The following DLGAP4 variants were observed in gnomAD, a reference collection of about 807,000 sequenced individuals.
DLGAP4 encodes disks large-associated protein 4.
Under a neutral mutation model 86.9 loss-of-function variants are expected in DLGAP4, and 18 were observed. The ratio of observed to expected loss-of-function variants is 0.21; its 90% CI spans 0.14 to 0.31. The LOEUF (loss-of-function observed/expected upper bound fraction) is 0.31. Among genes scored for constraint, DLGAP4 ranks in the 10% least tolerant of loss-of-function variants. DLGAP4 has a pLI of 1.00. For synonymous variants in DLGAP4, 548 were observed against 574.3 expected (o/e 0.95, Z 0.65); for missense variants, 1,085 against 1,362.6 (o/e 0.80, Z 3.21).
At chr20:36,516,390 G>A (rs1190305289) in intron 10 of DLGAP4, among the ~76,000 whole-genome samples, 2 of 152,258 alleles carry the variant, frequency 1.3e-5, no homozygotes, top group East Asian at 3.9e-4. Flanking sequence ...GTACTGGCTG[G>A]GCACGGTGGC....
At chr20:36,408,601 A>T (rs969650763) in intron 2 of DLGAP4, among the ~76,000 whole-genome samples, 1 of 152,158 alleles carries the variant, frequency 6.6e-6, no homozygotes, top group Non-Finnish European at 1.5e-5. Flanking sequence ...TGCTGGGGGA[A>T]CCCTCAGAGT....
Position 36,418,464 on chromosome 20 carries a change from T to C in DLGAP4, c.-72-13182T>C, listed in dbSNP as rs562498555. Among the ~76,000 whole-genome samples the C allele has an allele frequency of 8.5e-5, 13 of 152,330 alleles. No homozygotes were observed. The South Asian group carries it at 2.7e-3, about 32-fold the overall frequency. On this transcript the variant is annotated intron_variant, in intron 2 of 12. Transcript: ENST00000339266. ...TGGTTCCATCTCTGTAGTCCCTTTG[T>C]TCTGAGAGTCTAGAAGACTTCAGTT...
At chr20:36,505,152 TA>T (rs1333571734) in intron 10 of DLGAP4, among the ~76,000 whole-genome samples, 1 of 152,096 alleles carries the variant, frequency 6.6e-6, no homozygotes, top group African/African-American at 2.4e-5. Flanking sequence ...CATGCCTGGC[TA>T]ATTTTTTGTA....
At position 36,432,769 on chromosome 20, in the gene DLGAP4, G is replaced by C; in HGVS notation, c.999+53G>C. The C allele has an allele frequency of 6.9e-6, 11 of 1,592,546 alleles. No individual in the cohort carries two copies. The highest frequency in any genetic ancestry group is 9.4e-6 in the Non-Finnish European group (11 of 1,168,160). Reference sequence around the variant, plus strand: ...GATGAGGGCTCTGGGGACGGCACCAGTTTTGAGGCCTAGACGTACCACAGA... The same window carrying C: ...GATGAGGGCTCTGGGGACGGCACCACTTTTGAGGCCTAGACGTACCACAGA... On this transcript the variant is annotated intron_variant, in intron 3 of 12. Coordinates refer to ENST00000339266, the MANE Select transcript of DLGAP4 (RefSeq NM_001365621.2). The surrounding 1 kb of genome is among the most constrained non-coding windows in gnomAD (Gnocchi z 6.5).
At chr20:36,438,875 T>C (rs1370424308) in intron 4 of DLGAP4, among the ~76,000 whole-genome samples, 32 of 151,884 alleles carry the variant, frequency 2.1e-4, no homozygotes, top group Admixed American at 2.1e-3. Flanking sequence ...CGCCTCAGCC[T>C]CCCAAATTGC....
At chr20:36,322,690 G>C (rs2065180567) in intron 1 of DLGAP4, among the ~76,000 whole-genome samples, 1 of 152,172 alleles carries the variant, frequency 6.6e-6, no homozygotes, top group African/African-American at 2.4e-5. Context: ...CATTAGTCCT[G>C]CTCATCTGCA....
In DLGAP4 at chr20:36,513,534, G is replaced by A. The variant is rs1026309387; in HGVS notation, c.2513-10716G>A. The stretch of plus-strand genomic sequence containing the variant: ...CTGCAGTCCGCAATCCGGCCTGGGC[G>A]ACAGAGCGAGACTCCGTCTCAAAAA... On this transcript the variant is annotated intron_variant, in intron 10 of 12. Coordinates refer to ENST00000339266, the MANE Select transcript of DLGAP4 (RefSeq NM_001365621.2). 4.8e-4 allele frequency among the ~76,000 whole-genome samples: 59 copies of A among 123,584 alleles called. 1 individual carries two copies. Among genetic ancestry groups the A allele is most frequent in the Middle Eastern group, 7.0e-3 (1 of 142 alleles). The allele number at this position is 123,584 out of a possible 152,430, so 81.1% of individuals were successfully genotyped here.
rs2065024756 is a variant in DLGAP4 at position 36,308,440 on chromosome 20, C to A, written c.-304+1928C>A. 6.6e-6 allele frequency among the ~76,000 whole-genome samples: 1 copy of A among 152,186 alleles called. No homozygotes were observed. Among genetic ancestry groups the A allele is most frequent in the South Asian group, 2.1e-4 (1 of 4,834 alleles). On this transcript the variant is annotated intron_variant, in intron 1 of 12. Transcript: ENST00000339266. This position sits in a 1 kb window ranked among gnomAD's most constrained non-coding sequence, Gnocchi z 4.5. ...ACCTGATGGCTGGGTTATGTGGAAC[C>A]CCGGGTGCCAGCCTTGAGATGGAAC... is the stretch of plus-strand genomic sequence containing the variant.
chr20:36,524,261 G>C lies in DLGAP4; in HGVS notation c.2524G>C (p.Val842Leu). The change falls in exon 11 of 13, where the codon GTC becomes CTC. Residue 842 changes from valine to leucine, a missense_variant. Coordinates refer to ENST00000339266, the MANE Select transcript of DLGAP4 (RefSeq NM_001365621.2). ...CCTCTGTTTCTCAGTCTTAGGAAAA[G>C]TCCTCAGTGCTGTGGGCAGTGCCCA... is the stretch of plus-strand genomic sequence containing the variant. ...NNLSEEVLGK[V>L]LSAVGSAQLL... is the part of the protein sequence containing the mutation. 1 of 1,614,186 alleles carries C rather than the reference G, an allele frequency of 6.2e-7. No individual in the cohort carries two copies. Among genetic ancestry groups the C allele is most frequent in the South Asian group, 1.1e-5 (1 of 91,086 alleles).
chr20:36,467,050 CT>C (rs2034429157), intron 7 of DLGAP4, among the ~76,000 whole-genome samples: 9 of 134,626 alleles, frequency 6.7e-5, no homozygotes, highest in South Asian at 2.3e-4. Flanking sequence ...CTCTCTCTCT[CT>C]CTCTCTCTCT....
intron 1 of DLGAP4, among the ~76,000 whole-genome samples, chr20:36,322,470 C>A (rs2065178496): frequency 6.6e-6 from 1 of 152,160 alleles, no homozygotes. Context: ...AGCAAGTTAC[C>A]TAACTTCTCT....
At chr20:36,459,994 C>T (rs976387130) in intron 7 of DLGAP4, among the ~76,000 whole-genome samples, 2 of 152,214 alleles carry the variant, frequency 1.3e-5, no homozygotes, top group Non-Finnish European at 1.5e-5. Flanking sequence ...TGCCTTGGTC[C>T]AGTTTCTCTC....
At chr20:36,381,610 C>T (rs545518652) in intron 2 of DLGAP4, among the ~76,000 whole-genome samples, 26 of 152,316 alleles carry the variant, frequency 1.7e-4, no homozygotes, top group Admixed American at 7.8e-4. Flanking sequence ...CTCCTGTCTT[C>T]ATTGAGCCCC....
At chr20:36,339,562 A>T (rs1168335429) in intron 1 of DLGAP4, among the ~76,000 whole-genome samples, 2 of 152,150 alleles carry the variant, frequency 1.3e-5, no homozygotes, top group East Asian at 1.9e-4. Context: ...TTTTAAAAAA[A>T]TTTTGTAGAG....
chr20:36,353,957 G>A (rs1555893645), intron 1 of DLGAP4, among the ~76,000 whole-genome samples: 1 of 152,246 alleles, frequency 6.6e-6, no homozygotes. Flanking sequence ...AGGGGCAGAA[G>A]TGGGTTTGCA....
intron 6 of DLGAP4, among the ~76,000 whole-genome samples, chr20:36,445,141 T>C (rs2033556276): frequency 6.6e-6 from 1 of 152,116 alleles, no homozygotes; most frequent in Non-Finnish European, 1.5e-5. Context: ...GGTCCCACTA[T>C]GTTGCCCAGG....
intron 1 of DLGAP4, among the ~76,000 whole-genome samples, chr20:36,315,427 C>A (rs2065089939): frequency 9.8e-6 from 1 of 102,060 alleles, no homozygotes; most frequent in Non-Finnish European, 2.0e-5. Context: ...GAGGAACAGT[C>A]AAGGCTGGCT....
rs571094245 is a variant in DLGAP4 at position 36,431,459 on chromosome 20, T to C, written c.-72-187T>C. The stretch of plus-strand genomic sequence containing the variant: ...TTGTGCTTGTCTGATAGTCGGTAGC[T>C]TGAGTTGTAACTTTTATTTATACAC... On this transcript the variant is annotated intron_variant, in intron 2 of 12. Transcript: ENST00000339266. The surrounding 1 kb of genome is among the most constrained non-coding windows in gnomAD (Gnocchi z 5.1). 6.6e-6 allele frequency among the ~76,000 whole-genome samples: 1 copy of C among 152,222 alleles called. No individual in the cohort carries two copies. Among genetic ancestry groups the C allele is most frequent in the South Asian group, 2.1e-4 (1 of 4,820 alleles).
chr20:36,480,457 C>G (rs1275505676), intron 7 of DLGAP4, among the ~76,000 whole-genome samples: 3 of 152,162 alleles, frequency 2.0e-5, no homozygotes, highest in Admixed American at 2.0e-4. Flanking sequence ...GTAATCCCAG[C>G]ACTTGGAAGA....
Sources: gnomAD v4.1 joint callset for allele counts (sites outside exome capture counted in the v4.1 genomes callset) on GRCh38, gnomAD v4.1.1 for gene constraint, Gnocchi (gnomAD v3.1) non-coding constraint, MANE v1.5 for transcripts, NCBI Gene and HGNC (gene_info 2026-07-23, HGNC 2026-07-21) for gene names.